Variants in PPP4R4 observed in about 807,000 individuals in gnomAD.
PPP4R4 encodes serine/threonine-protein phosphatase 4 regulatory subunit 4.
A neutral mutation model predicts 121.8 loss-of-function variants in PPP4R4; 70 were observed. The ratio of observed to expected loss-of-function variants is 0.57; its 90% CI spans 0.47 to 0.70. PPP4R4 has a LOEUF of 0.70. PPP4R4 is among the 30% of genes least tolerant of loss of function. The pLI is 0.00. For missense variants in PPP4R4, 875 were observed against 1,033.6 expected, an observed-to-expected ratio of 0.85 and a Z score of 2.10; for synonymous variants, 348 against 355.7, an observed-to-expected ratio of 0.98 and a Z score of 0.24.
At chr14:94,214,408 G>A (rs1890908603) in intron 3 of PPP4R4, among the ~76,000 whole-genome samples, 1 of 151,844 alleles carries the variant, frequency 6.6e-6, no homozygotes, top group Non-Finnish European at 1.5e-5. Context: ...CATAGTCTCA[G>A]CTGCTCAGGA....
chr14:94,241,334 A>C (rs1892624228), intron 9 of PPP4R4, among the ~76,000 whole-genome samples: 1 of 152,084 alleles, frequency 6.6e-6, no homozygotes, highest in Non-Finnish European at 1.5e-5. Flanking sequence ...CCATTGATTA[A>C]AAATATTTTG....
rs1595451960 is a variant in PPP4R4, at chr14:94,187,715, T to G, written c.191+11588T>G. Among the ~76,000 whole-genome samples, 4 of 152,296 alleles carry G rather than the reference T, an allele frequency of 2.6e-5. No individual in the cohort carries two copies. The South Asian group carries it at 8.3e-4, about 32-fold the overall frequency. On this transcript the variant is annotated intron_variant, in intron 2 of 24. Transcript: ENST00000304338. ...TGTCTCCTTAGTCTTCTCTTGGCTG[T>G]GACGCTTTCTTCACTTTTCCTTATT...
Position 94,241,875 on chromosome 14 carries a change from A to C in PPP4R4, c.1064A>C (p.Asn355Thr). 6.2e-7 allele frequency: 1 copy of C among 1,610,960 alleles called. No individual in the cohort carries two copies. The highest frequency in any genetic ancestry group is 8.5e-7 in the Non-Finnish European group (1 of 1,178,306). The change falls in exon 10 of 25, where the codon AAT (asparagine) becomes ACT (threonine). Residue 355 changes from asparagine (N) to threonine (T), a missense_variant. By Grantham distance (65) the Asn-to-Thr change is moderately conservative (BLOSUM62 0). Transcript: ENST00000304338. The part of the protein sequence containing the change: ...TLGLQQENGH[N>T]ENQIPPQILE... ...GGTTTGCAACAAGAAAATGGACACAATGAAAACCAGATTCCACCCCAAATC... is the reference window on the plus strand; with the variant it reads ...GGTTTGCAACAAGAAAATGGACACACTGAAAACCAGATTCCACCCCAAATC...
At chr14:94,179,132 A>G (rs965475421) in intron 2 of PPP4R4, among the ~76,000 whole-genome samples, 4 of 152,188 alleles carry the variant, frequency 2.6e-5, no homozygotes, top group African/African-American at 9.6e-5. Flanking sequence ...GAGTTTTAGT[A>G]TATTCACAGA....
intron 24 of PPP4R4, among the ~76,000 whole-genome samples, chr14:94,277,693 A>C (rs1400407320): frequency 3.3e-5 from 5 of 152,106 alleles, no homozygotes; most frequent in Admixed American, 3.3e-4. Context: ...TTTCTTTCAG[A>C]TTACTCTCTT....
intron 18 of PPP4R4, 22 bp from the exon 19 acceptor site, chr14:94,259,273 T>C (rs1165664373): frequency 1.9e-6 from 3 of 1,591,410 alleles, no homozygotes; most frequent in African/African-American, 1.4e-5. Context: ...TGTTTCACAA[T>C]TTCATTTTAA....
At chr14:94,189,392 G>A (rs1052047448) in intron 2 of PPP4R4, among the ~76,000 whole-genome samples, 1 of 152,162 alleles carries the variant, frequency 6.6e-6, no homozygotes. Context: ...TTTACAGATT[G>A]ATTTTGGATT....
chr14:94,218,700 C>T (rs1290186981), intron 3 of PPP4R4, among the ~76,000 whole-genome samples: 6 of 133,408 alleles, frequency 4.5e-5, no homozygotes, highest in African/African-American at 1.4e-4. Context: ...TGCACGCGCG[C>T]GCGCGCACAC....
At chr14:94,213,676 T>G (rs923203675) in intron 3 of PPP4R4, among the ~76,000 whole-genome samples, 2 of 151,768 alleles carry the variant, frequency 1.3e-5, no homozygotes, top group Non-Finnish European at 2.9e-5. Context: ...GAGGTAGAGA[T>G]TGGAGTGATG....
chr14:94,174,348 C>A lies in PPP4R4; in HGVS notation c.-118C>A. ...TTGCTCCCGCCGCCTGGCAGCCTCACGCTCGGCTCCAGCGGCCAAGAGCCG... is the reference window on the plus strand; with the variant it reads ...TTGCTCCCGCCGCCTGGCAGCCTCAAGCTCGGCTCCAGCGGCCAAGAGCCG... On this transcript the variant is annotated 5_prime_UTR_variant, in exon 1 of 25. Transcript: ENST00000304338. The A allele has an allele frequency of 2.1e-6, 2 of 947,812 alleles. No individual in the cohort carries two copies. Among genetic ancestry groups the A allele is most frequent in the Non-Finnish European group, 2.8e-6 (2 of 726,700 alleles). The allele number at this position is 947,812 out of a possible 1,614,324, so 58.7% of individuals were successfully genotyped here. A position where few individuals can be genotyped will look rare whatever the true frequency, so the allele number is the denominator to read the frequency against.
chr14:94,231,453 T>G, intron 5 of PPP4R4, 138 bp downstream of exon 5: 1 of 617,166 alleles, frequency 1.6e-6, no homozygotes, highest in Non-Finnish European at 2.8e-6. Context: ...TTGGAGGAAA[T>G]TTGAGAAATA....
chr14:94,205,814 T>A (rs1367489245), intron 2 of PPP4R4, among the ~76,000 whole-genome samples: 1 of 152,022 alleles, frequency 6.6e-6, no homozygotes, highest in African/African-American at 2.4e-5. Context: ...TTTCTTTTAC[T>A]AACTTCTAGT....
At chr14:94,203,422 A>G (rs1472086353) in intron 2 of PPP4R4, among the ~76,000 whole-genome samples, 1 of 152,060 alleles carries the variant, frequency 6.6e-6, no homozygotes, top group African/African-American at 2.4e-5. Flanking sequence ...AGTATGGTGT[A>G]CTACAGTTCA....
chr14:94,234,795 A>C, intron 7 of PPP4R4, 126 bp downstream of exon 7: 1 of 724,744 alleles, frequency 1.4e-6, no homozygotes. Flanking sequence ...GATAAAGAGG[A>C]ATGTGCTTAG....
rs746600717 is a variant in PPP4R4, at chr14:94,189,013, A to G, written c.191+12886A>G. On this transcript the variant is annotated intron_variant, in intron 2 of 24. Transcript: ENST00000304338. ...ATAATTCATATATTGTTGAATGATAAGTATGTCTAAAACAATTACCATAAG... is the reference window on the plus strand; with the variant it reads ...ATAATTCATATATTGTTGAATGATAGGTATGTCTAAAACAATTACCATAAG... 9.7e-4 allele frequency among the ~76,000 whole-genome samples: 148 copies of G among 152,326 alleles called. 1 individual carries two copies. The highest frequency in any genetic ancestry group is 3.4e-3 in the Middle Eastern group (1 of 294).
intron 23 of PPP4R4, among the ~76,000 whole-genome samples, chr14:94,273,100 A>G (rs545031362): frequency 5.3e-5 from 8 of 152,292 alleles, no homozygotes; most frequent in Admixed American, 2.0e-4. Context: ...ACAAAACCAG[A>G]CATTCTTACC....
intron 3 of PPP4R4, among the ~76,000 whole-genome samples, chr14:94,223,582 C>T (rs572121530): frequency 6.6e-6 from 1 of 152,288 alleles, no homozygotes; most frequent in South Asian, 2.1e-4. Context: ...AAAGCAGGCC[C>T]CAAATTACAT....
rs900158416 is a variant in PPP4R4 at position 94,174,688 on chromosome 14, G to T, written c.117+106G>T. On this transcript the variant is annotated intron_variant, in intron 1 of 24. Coordinates refer to ENST00000304338, the MANE Select transcript of PPP4R4 (RefSeq NM_058237.2). ...CCACCACCCTCCCCTCCTCCGGGCC[G>T]CCGGGACCCTCTCAGTCGGGCCGGC... 2.7e-6 allele frequency: 4 copies of T among 1,462,994 alleles called. No individual in the cohort carries two copies. In the Admixed American group the frequency reaches 9.6e-5, roughly 35 times the overall value. The allele number at this position is 1,462,994 out of a possible 1,614,324, so 90.6% of individuals were successfully genotyped here.
chr14:94,276,074 C>A (rs1894623414), intron 24 of PPP4R4, among the ~76,000 whole-genome samples: 1 of 151,998 alleles, frequency 6.6e-6, no homozygotes, highest in South Asian at 2.1e-4. Flanking sequence ...TGAAGTCTTT[C>A]TTTTACCTTA....
Sources: gnomAD v4.1 joint callset for allele counts (sites outside exome capture counted in the v4.1 genomes callset) on GRCh38, gnomAD v4.1.1 for gene constraint, MANE v1.5 for transcripts, NCBI Gene and HGNC (gene_info 2026-07-23, HGNC 2026-07-21) for gene names.